DCAF16: variants seen among roughly 807,000 people sequenced by gnomAD.
DCAF16 encodes the protein DDB1- and CUL4-associated factor 16.
Under a neutral mutation model 17.3 loss-of-function variants are expected in DCAF16, and 10 were observed. That is an observed-to-expected ratio of 0.58 (90% CI 0.36 to 0.98). The LOEUF (loss-of-function observed/expected upper bound fraction) is 0.98, where lower values mean the gene tolerates loss of function less well. Ranked by LOEUF, DCAF16 falls within the 50% of genes least tolerant of loss-of-function variation. The probability of loss-of-function intolerance (pLI) is 0.01; values close to 1 mark genes in which losing one functional copy is unlikely to be tolerated. For synonymous variants in DCAF16, 111 were observed against 92.8 expected (o/e 1.20, Z -1.12); for missense variants, 249 against 247.6 (o/e 1.01, Z -0.04).
In DCAF16 at chr4:17,800,904, C is replaced by A. The variant is rs568132781; in HGVS notation, c.*2587G>T. 6 of 152,594 alleles carry A rather than the reference C, an allele frequency of 3.9e-5. No homozygotes were observed. The highest frequency in any genetic ancestry group is 1.4e-4 in the African/African-American group (6 of 41,522). 9.5% of individuals were successfully genotyped at this position (152,594 alleles called of 1,614,324 possible). ...ACAGTTTCCTGTAACATTTTAGAAA[C>A]CAGTTTCACAGAATACCTACATAGG... On this transcript the variant is annotated 3_prime_UTR_variant, in exon 3 of 3. Transcript: ENST00000382247.
At chr4:17,794,415 C>T in the DCAF16 span, among the ~76,000 whole-genome samples, 2 of 152,098 alleles carry the variant, frequency 1.3e-5, no homozygotes, top group East Asian at 3.9e-4. Context: ...TCCATTTGTG[C>T]TGTCATGTTG....
In DCAF16 at chr4:17,803,237, C is replaced by T; in HGVS notation, c.*254G>A. 2.2e-6 allele frequency: 1 copy of T among 454,660 alleles called. No individual in the cohort carries two copies. The allele number at this position is 454,660 out of a possible 1,614,324, so 28.2% of individuals were successfully genotyped here. On this transcript the variant is annotated 3_prime_UTR_variant, in exon 3 of 3. Coordinates refer to ENST00000382247, the MANE Select transcript of DCAF16 (RefSeq NM_017741.4). The stretch of plus-strand genomic sequence containing the variant: ...ACAGGGTTTCACTGTGTTGGCAAGG[C>T]TGGTCTCAAACTTCTGACTTCAGCA...
At chr4:17,793,563 AAAG>A in the DCAF16 span, among the ~76,000 whole-genome samples, 7 of 152,168 alleles carry the variant, frequency 4.6e-5, no homozygotes, top group South Asian at 6.2e-4. Context: ...ACAATAAAAA[AAAG>A]AAGAAGTACA....
intron 1 of DCAF16, chr4:17,809,445 A>C (rs1362546709): frequency 6.6e-6 from 1 of 152,354 alleles, no homozygotes; most frequent in East Asian, 1.9e-4. Context: ...TCATTCAGGG[A>C]TTTATTCATG....
intron 1 of DCAF16, among the ~76,000 whole-genome samples, chr4:17,807,083 A>T (rs768787757): frequency 6.6e-6 from 1 of 152,222 alleles, no homozygotes; most frequent in Non-Finnish European, 1.5e-5. Flanking sequence ...GACATGTATA[A>T]GGGAGGATTC....
chr4:17,796,650 T>C (rs536718291), downstream of DCAF16, among the ~76,000 whole-genome samples: 2 of 152,278 alleles, frequency 1.3e-5, no homozygotes, highest in Admixed American at 1.3e-4. Context: ...GAGATTGCAG[T>C]GAGCCGAGAT....
At chr4:17,799,560 GA>G (rs1383430315), downstream of DCAF16, among the ~76,000 whole-genome samples, 1 of 152,220 alleles carries the variant, frequency 6.6e-6, no homozygotes, top group Non-Finnish European at 1.5e-5. Flanking sequence ...GCCAAAAGTA[GA>G]AAGCCAGATG....
chr4:17,798,722 T>C (rs572523531), downstream of DCAF16, among the ~76,000 whole-genome samples: 3 of 152,356 alleles, frequency 2.0e-5, no homozygotes, highest in East Asian at 3.8e-4. Flanking sequence ...CACTGTGGTA[T>C]ATCCTCATCC....
downstream of DCAF16, chr4:17,800,569 C>T (rs879144600): frequency 1.3e-5 from 2 of 152,622 alleles, no homozygotes; most frequent in South Asian, 4.1e-4. Context: ...TATCTATTAA[C>T]TCTATTCAGT....
rs1376305475 is a variant in DCAF16 at position 17,804,158 on chromosome 4, A to C, written c.-17T>G. 6.3e-7 allele frequency: 1 copy of C among 1,595,868 alleles called. No homozygotes were observed. The highest frequency in any genetic ancestry group is 8.5e-7 in the Non-Finnish European group (1 of 1,171,910). ...AGGACCCATCAGAATAAAACACAGTAAGGAACCAGAAAAAGGTAATAATCT... is the reference window on the plus strand; with the variant it reads ...AGGACCCATCAGAATAAAACACAGTCAGGAACCAGAAAAAGGTAATAATCT... On this transcript the variant is annotated 5_prime_UTR_variant, in exon 3 of 3. Transcript: ENST00000382247.
rs759631793 is a variant in DCAF16, at chr4:17,802,815, G to C, written c.*676C>G. On this transcript the variant is annotated 3_prime_UTR_variant, in exon 3 of 3. Transcript: ENST00000382247. ...TGTTAGAGAAGAGTATGCTCAGAAAGGTATTATTGTGGGTAGCTAACTTCT... is the reference window on the plus strand; with the variant it reads ...TGTTAGAGAAGAGTATGCTCAGAAACGTATTATTGTGGGTAGCTAACTTCT... 2 of 152,182 alleles carry C rather than the reference G, an allele frequency of 1.3e-5. No individual in the cohort carries two copies. Among genetic ancestry groups the C allele is most frequent in the African/African-American group, 4.8e-5 (2 of 41,428 alleles). 9.4% of individuals were successfully genotyped at this position (152,182 alleles called of 1,614,324 possible).
At chr4:17,807,243 CAATT>C (rs1367679347) in intron 1 of DCAF16, among the ~76,000 whole-genome samples, 1 of 152,152 alleles carries the variant, frequency 6.6e-6, no homozygotes, top group Non-Finnish European at 1.5e-5. Flanking sequence ...AATCACATCA[CAATT>C]AATCATTTCT....
At chr4:17,794,073 C>T in the DCAF16 span, among the ~76,000 whole-genome samples, 4 of 152,180 alleles carry the variant, frequency 2.6e-5, no homozygotes, top group South Asian at 8.3e-4. Context: ...ATGGACCAGC[C>T]ACTGTATGTA....
chr4:17,806,634 C>G lies in DCAF16; in HGVS notation c.-749-1409G>C, dbSNP rs1720351014. On this transcript the variant is annotated intron_variant, in intron 1 of 2. Transcript: ENST00000382247. ...TATCATAAAGATATCAACTTTCTCC[C>G]TATTAATTTATACAATTCCAATCAA... Among the ~76,000 whole-genome samples, 4 of 152,124 alleles carry G rather than the reference C, an allele frequency of 2.6e-5. No individual in the cohort carries two copies. In the South Asian group the frequency reaches 6.2e-4, roughly 24 times the overall value.
rs1250916825 is a variant in DCAF16 at position 17,803,775 on chromosome 4, GT to G, written c.366del (p.Pro123LeufsTer19). ...EWPPLASCGVPPFQKPLTSPS... is the reference protein window; with the variant it reads ...EWPPLASCGVXPFQKPLTSPS... ...GGACTTGTAAGAGGCTTTTGAAAAG[GT>G]GGGACTCCACAAGAGGCCAGAGGGG... On this transcript the variant is annotated frameshift_variant, in exon 3 of 3. Transcript: ENST00000382247. LOFTEE classifies it high-confidence loss of function. 1 of 1,614,052 alleles carries G rather than the reference GT, an allele frequency of 6.2e-7. No individual in the cohort carries two copies. Among genetic ancestry groups the G allele is most frequent in the African/African-American group, 1.3e-5 (1 of 74,916 alleles).
chr4:17,796,912 A>G (rs1719455809), downstream of DCAF16, among the ~76,000 whole-genome samples: 1 of 152,206 alleles, frequency 6.6e-6, no homozygotes, highest in African/African-American at 2.4e-5. Flanking sequence ...TATAAGAAAT[A>G]CAACTTGGGT....
chr4:17,800,219 AAT>A (rs1719642939), downstream of DCAF16, among the ~76,000 whole-genome samples: 1 of 152,136 alleles, frequency 6.6e-6, no homozygotes. Context: ...CTGGTTTAGA[AAT>A]AGTTTCCTTA....
At chr4:17,795,074 G>A in the DCAF16 span, among the ~76,000 whole-genome samples, 1 of 152,192 alleles carries the variant, frequency 6.6e-6, no homozygotes, top group African/African-American at 2.4e-5. Flanking sequence ...TAGATGGTGA[G>A]ATAAAATTCT....
chr4:17,798,748 C>T (rs1230187275), downstream of DCAF16, among the ~76,000 whole-genome samples: 3 of 152,170 alleles, frequency 2.0e-5, no homozygotes, highest in Non-Finnish European at 2.9e-5. Flanking sequence ...ATTTCTTGGT[C>T]TCAGTTGCAA....
Sources: gnomAD v4.1 joint callset for allele counts (sites outside exome capture counted in the v4.1 genomes callset) on GRCh38, gnomAD v4.1.1 for gene constraint, MANE v1.5 for transcripts, NCBI Gene and HGNC (gene_info 2026-07-23, HGNC 2026-07-21) for gene names.